LRRTM4: variants seen among roughly 807,000 people sequenced by gnomAD.
The protein encoded by LRRTM4 is leucine-rich repeat transmembrane neuronal protein 4.
In LRRTM4, 25 loss-of-function variants were observed where a neutral mutation model predicts 47.6. That is an observed-to-expected ratio of 0.53 (90% CI 0.38 to 0.73). The LOEUF is 0.73. Among genes scored for constraint, LRRTM4 ranks in the 30% least tolerant of loss-of-function variants. The probability of loss-of-function intolerance (pLI) is 0.00; values close to 1 mark genes in which losing one functional copy is unlikely to be tolerated. For missense variants in LRRTM4, 638 were observed against 713.4 expected (o/e 0.89, Z 1.20); for synonymous variants, 311 against 269.5 (o/e 1.15, Z -1.51).
At chr2:77,141,306 T>C (rs1341152683) in intron 3 of LRRTM4, among the ~76,000 whole-genome samples, 1 of 151,962 alleles carries the variant, frequency 6.6e-6, no homozygotes, top group Non-Finnish European at 1.5e-5. Context: ...AAAGGATGAG[T>C]TCGTGTCCTC....
intron 3 of LRRTM4, among the ~76,000 whole-genome samples, chr2:77,480,863 G>GAGAA (rs1677673911): frequency 7.7e-6 from 1 of 129,678 alleles, no homozygotes; most frequent in Non-Finnish European, 1.7e-5. Context: ...GAGAGAGAGA[G>GAGAA]AGAAATAGCT....
At chr2:77,101,151 A>T (rs1670943604) in intron 3 of LRRTM4, among the ~76,000 whole-genome samples, 1 of 152,148 alleles carries the variant, frequency 6.6e-6, no homozygotes, top group Non-Finnish European at 1.5e-5. Flanking sequence ...TATAGACTAT[A>T]TACAAAAATA....
At chr2:77,242,799 G>A (rs966205994) in intron 3 of LRRTM4, among the ~76,000 whole-genome samples, 1 of 152,078 alleles carries the variant, frequency 6.6e-6, no homozygotes, top group African/African-American at 2.4e-5. Flanking sequence ...AAACTGCTAT[G>A]AAAACAAAAT....
intron 3 of LRRTM4, among the ~76,000 whole-genome samples, chr2:76,805,798 C>T (rs1675935379): frequency 6.6e-6 from 1 of 151,466 alleles, no homozygotes; most frequent in Non-Finnish European, 1.5e-5. Context: ...CCCCTTACTG[C>T]AGACCTCCAT....
At chr2:76,898,008 A>G (rs1202899654) in intron 3 of LRRTM4, among the ~76,000 whole-genome samples, 2 of 152,172 alleles carry the variant, frequency 1.3e-5, no homozygotes, top group Non-Finnish European at 2.9e-5. Flanking sequence ...CTGCAGTCCT[A>G]ACAGGATGGC....
At chr2:77,148,184 T>C (rs1573009618) in intron 3 of LRRTM4, among the ~76,000 whole-genome samples, 1 of 152,184 alleles carries the variant, frequency 6.6e-6, no homozygotes. Context: ...TAACTTTTAC[T>C]TCATGAACAT....
chr2:77,241,989 A>T (rs1233060454), intron 3 of LRRTM4, among the ~76,000 whole-genome samples: 1 of 152,142 alleles, frequency 6.6e-6, no homozygotes, highest in East Asian at 1.9e-4. Context: ...CTCTTCTGTC[A>T]GTCCATACAT....
At chr2:77,136,751 C>G (rs1671956205) in intron 3 of LRRTM4, among the ~76,000 whole-genome samples, 1 of 149,932 alleles carries the variant, frequency 6.7e-6, no homozygotes, top group Admixed American at 6.6e-5. Flanking sequence ...GAATGGCTAA[C>G]TAGAATAACC....
intron 3 of LRRTM4, among the ~76,000 whole-genome samples, chr2:77,113,667 G>A (rs1160055337): frequency 6.6e-6 from 1 of 152,088 alleles, no homozygotes; most frequent in African/African-American, 2.4e-5. Context: ...AGAGGCAGAA[G>A]TGCACTGGTG....
chr2:76,791,351 G>T (rs1674959864), intron 3 of LRRTM4, among the ~76,000 whole-genome samples: 1 of 152,088 alleles, frequency 6.6e-6, no homozygotes, highest in Admixed American at 6.6e-5. Flanking sequence ...TTCCCATGTA[G>T]ATTTGTAGAT....
chr2:77,039,188 A>G (rs1678943825), intron 3 of LRRTM4, among the ~76,000 whole-genome samples: 1 of 151,426 alleles, frequency 6.6e-6, no homozygotes, highest in Non-Finnish European at 1.5e-5. Context: ...TTATAAAAAG[A>G]GGATCACAGA....
chr2:77,508,032 C>A (rs1403409180), intron 3 of LRRTM4, among the ~76,000 whole-genome samples: 1 of 152,052 alleles, frequency 6.6e-6, no homozygotes, highest in Non-Finnish European at 1.5e-5. Context: ...GAACAGAAGT[C>A]TAATTTGAAT....
intron 3 of LRRTM4, among the ~76,000 whole-genome samples, chr2:77,220,725 CT>C (rs1242990697): frequency 6.6e-6 from 1 of 152,224 alleles, no homozygotes; most frequent in Admixed American, 6.5e-5. Context: ...AAAACTACAT[CT>C]GATTGCTGTA....
At chr2:77,019,261 A>C (rs1376429681) in intron 3 of LRRTM4, among the ~76,000 whole-genome samples, 2 of 150,262 alleles carry the variant, frequency 1.3e-5, no homozygotes, top group African/African-American at 2.4e-5. Context: ...TACAAAAAAA[A>C]AAAAAAAAAA....
chr2:77,090,884 C>G (rs917905632), intron 3 of LRRTM4, among the ~76,000 whole-genome samples: 9 of 152,136 alleles, frequency 5.9e-5, no homozygotes, highest in Non-Finnish European at 1.2e-4. Context: ...TAGACCATCA[C>G]GGACGCCGAG....
chr2:77,343,804 A>T (rs1303254785), intron 3 of LRRTM4, among the ~76,000 whole-genome samples: 2 of 151,882 alleles, frequency 1.3e-5, no homozygotes, highest in African/African-American at 4.8e-5. Context: ...TAGATAAGAG[A>T]TTGTGATATA....
At chr2:77,359,842 T>G (rs1049035355) in intron 3 of LRRTM4, among the ~76,000 whole-genome samples, 1 of 152,154 alleles carries the variant, frequency 6.6e-6, no homozygotes, top group East Asian at 1.9e-4. Context: ...GTACACAGTA[T>G]TTGCTTTACA....
At chr2:77,334,696 T>G (rs910652968) in intron 3 of LRRTM4, among the ~76,000 whole-genome samples, 1 of 152,198 alleles carries the variant, frequency 6.6e-6, no homozygotes, top group African/African-American at 2.4e-5. Context: ...GAAAATGGAC[T>G]AATACAAATA....
intron 3 of LRRTM4, among the ~76,000 whole-genome samples, chr2:77,301,696 C>T (rs996432207): frequency 2.0e-5 from 3 of 152,104 alleles, no homozygotes; most frequent in Non-Finnish European, 4.4e-5. Context: ...GCAATCTACT[C>T]ATGTAATTAT....
Sources: gnomAD v4.1 joint callset for allele counts (sites outside exome capture counted in the v4.1 genomes callset) on GRCh38, gnomAD v4.1.1 for gene constraint, MANE v1.5 for transcripts, NCBI Gene and HGNC (gene_info 2026-07-23, HGNC 2026-07-21) for gene names.